TLE2: variants seen among roughly 807,000 people sequenced by gnomAD.
The protein encoded by TLE2 is transducin-like enhancer protein 2.
A neutral mutation model predicts 97.2 loss-of-function variants in TLE2; 74 were observed. The ratio of observed to expected loss-of-function variants is 0.76; its 90% CI spans 0.63 to 0.92. The LOEUF is 0.92. Ranked by LOEUF, TLE2 falls within the 40% of genes least tolerant of loss-of-function variation. The pLI is 0.00. For synonymous variants in TLE2, 499 were observed against 432.1 expected, an observed-to-expected ratio of 1.15 and a Z score of -1.92; for missense variants, 1,038 against 1,008.7, an observed-to-expected ratio of 1.03 and a Z score of -0.39.
intron 1 of TLE2, among the ~76,000 whole-genome samples, chr19:3,039,762 G>C (rs2090086905): frequency 6.6e-6 from 1 of 152,184 alleles, no homozygotes. Flanking sequence ...GCGATGCCAG[G>C]TCCCCTGCTA....
chr19:3,034,162 A>C (rs186086289), upstream of TLE2, among the ~76,000 whole-genome samples: 1 of 151,776 alleles, frequency 6.6e-6, no homozygotes, highest in East Asian at 1.9e-4. Context: ...CCAGAGCATC[A>C]CCCTAGCCCT....
intron 5 of TLE2, among the ~76,000 whole-genome samples, chr19:3,021,242 TA>T (rs1317985923): frequency 6.7e-6 from 1 of 150,200 alleles, no homozygotes; most frequent in East Asian, 2.0e-4. Context: ...CCATCTCTAC[TA>T]AAAATACAAA....
chr19:2,999,551 C>A (rs375675176), intron 19 of TLE2, among the ~76,000 whole-genome samples: 1 of 151,190 alleles, frequency 6.6e-6, no homozygotes, highest in East Asian at 2.0e-4. Context: ...CACGGTGAAA[C>A]CCCGTCTCTA....
Position 3,014,598 on chromosome 19 carries a change from T to A in TLE2, c.695A>T (p.Lys232Met). Residue 232 changes from lysine to methionine, a missense_variant, in exon 10 of 20, where the codon AAG becomes ATG. Physicochemically the swap from Lys to Met is moderately conservative, Grantham distance 95. Transcript: ENST00000262953. ...PSGPYESDED[K>M]SDYNLVVDED... ...GTCCACCACCAGATTGTAATCACTC[T>A]TGTCTTCGTCGCTTTCCTGGGGGAA... 1 of 1,590,460 alleles carries A rather than the reference T, an allele frequency of 6.3e-7. No homozygotes were observed. Among genetic ancestry groups the A allele is most frequent in the Non-Finnish European group, 8.6e-7 (1 of 1,168,112 alleles).
At chr19:3,025,629 G>A in intron 4 of TLE2, 1 of 985,792 alleles carries the variant, frequency 1.0e-6, no homozygotes, top group Non-Finnish European at 1.2e-6. Flanking sequence ...AGAGGGTCTG[G>A]GCCCAGGTGC....
intron 5 of TLE2, among the ~76,000 whole-genome samples, chr19:3,021,114 A>AGGGG (rs148602558): frequency 1.5e-4 from 7 of 45,458 alleles, no homozygotes; most frequent in South Asian, 1.1e-3. Context: ...AAAAAAAAAA[A>AGGGG]GGGGGGGGGG....
At position 3,041,013 on chromosome 19, in the gene TLE2, A is replaced by AT. The variant is rs1168699418; in HGVS notation, c.63+4712dup. On this transcript the variant is annotated intron_variant, in intron 1 of 18. Coordinates refer to the TLE2 transcript ENST00000426948. ...CATTTATATATATATATATATATAT[A>AT]TTTTTTTTTTTTTTTTTTTTTTTTT... Among the ~76,000 whole-genome samples, 164 of 28,992 alleles carry AT rather than the reference A, an allele frequency of 5.7e-3. 34 individuals are homozygous for AT. Among genetic ancestry groups the AT allele is most frequent in the Middle Eastern group, 0.033 (1 of 30 alleles). 19.0% of individuals were successfully genotyped at this position (28,992 alleles called of 152,430 possible).
chr19:3,018,094 G>T (rs530690912), intron 7 of TLE2, among the ~76,000 whole-genome samples: 36 of 152,022 alleles, frequency 2.4e-4, no homozygotes, highest in Non-Finnish European at 4.4e-4. Flanking sequence ...CCCATTGGGG[G>T]TGATGTTGAA....
chr19:3,029,799 G>A (rs145182487), upstream of TLE2, among the ~76,000 whole-genome samples: 2 of 152,004 alleles, frequency 1.3e-5, no homozygotes, highest in African/African-American at 4.8e-5. Context: ...CTATCTTTAG[G>A]GTTTAATTTT....
intron 1 of TLE2, among the ~76,000 whole-genome samples, chr19:3,039,803 G>C (rs1245279666): frequency 6.6e-6 from 1 of 152,196 alleles, no homozygotes; most frequent in Non-Finnish European, 1.5e-5. Context: ...ACCTGTAGGG[G>C]TCAGCTGAGA....
rs571933715 is a variant in TLE2, at chr19:3,012,668, C to A, written c.873+1001G>T. On this transcript the variant is annotated intron_variant, in intron 11 of 19. Coordinates refer to ENST00000262953, the MANE Select transcript of TLE2 (RefSeq NM_003260.5). ...GCCCCCACAGAGAGGGAGGTGTCAC[C>A]CAGAGCTGTCCCTCCCCAAGGAGAG... is the stretch of plus-strand genomic sequence containing the variant. 1.0e-3 allele frequency among the ~76,000 whole-genome samples: 153 copies of A among 152,266 alleles called. 1 individual carries two copies. Among genetic ancestry groups the A allele is most frequent in the African/African-American group, 3.6e-3 (148 of 41,548 alleles).
Position 3,029,152 on chromosome 19 carries a change from G to A in TLE2, c.-248C>T. On this transcript the variant is annotated 5_prime_UTR_variant, in exon 1 of 20. Transcript: ENST00000262953. ...CGGGGCGGGCAGGGGCAGCGGCCGG[G>A]GCGGGAGCGCGGCGAGGGCGGCCGC... is the stretch of plus-strand genomic sequence containing the variant. 1 of 951,246 alleles carries A rather than the reference G, an allele frequency of 1.1e-6. No individual in the cohort carries two copies. 58.9% of individuals were successfully genotyped at this position (951,246 alleles called of 1,614,324 possible).
rs750686889 is a variant in TLE2, at chr19:3,005,835, G to A, written c.1634C>T (p.Ser545Phe). ...CAGGGCGTAGCAGGCTGGGGCTGAGGAAGTCAGCTCGGCCTTGATACGGGG... is the reference window on the plus strand; with the variant it reads ...CAGGGCGTAGCAGGCTGGGGCTGAGAAAGTCAGCTCGGCCTTGATACGGGG... ...PTPRIKAELT[S>F]SAPACYALAV... The change falls in exon 16 of 20, where the codon TCC (serine) becomes TTC (phenylalanine). Residue 545 changes from serine (S) to phenylalanine (F), a missense_variant. Ser to Phe is a radical substitution (Grantham distance 155, BLOSUM62 -2). Coordinates refer to ENST00000262953, the MANE Select transcript of TLE2 (RefSeq NM_003260.5). 2 of 1,613,996 alleles carry A rather than the reference G, an allele frequency of 1.2e-6. No homozygotes were observed. The highest frequency in any genetic ancestry group is 1.7e-5 in the Admixed American group (1 of 60,012).
At chr19:3,028,540 G>C (rs1291711938) in intron 2 of TLE2, among the ~76,000 whole-genome samples, 158 bp from the exon 3 acceptor site, 5 of 133,538 alleles carry the variant, frequency 3.7e-5, no homozygotes, top group African/African-American at 5.8e-5. Flanking sequence ...AAATGCCCCA[G>C]CTCTGACTGT....
At chr19:3,044,473 G>A (rs1179104633) in intron 1 of TLE2, among the ~76,000 whole-genome samples, 4 of 152,172 alleles carry the variant, frequency 2.6e-5, no homozygotes, top group Admixed American at 2.6e-4. Context: ...AGGCTGGAGT[G>A]CAGTGGCACG....
intron 19 of TLE2, among the ~76,000 whole-genome samples, chr19:2,999,060 T>G (rs2089291674): frequency 6.6e-6 from 1 of 152,136 alleles, no homozygotes; most frequent in African/African-American, 2.4e-5. Context: ...GGCAGGTGGA[T>G]CACCTGAGGT....
Position 3,038,445 on chromosome 19 carries a change from T to A in TLE2, c.63+7281A>T, listed in dbSNP as rs558557485. On this transcript the variant is annotated intron_variant, in intron 1 of 18. Transcript: ENST00000426948. ...CCAGACTGGTCTTCAACTCCTGGGC[T>A]CAAGCAGTCCTCTTCCCTCAGCTTC... Among the ~76,000 whole-genome samples the A allele has an allele frequency of 6.6e-5, 10 of 152,324 alleles. No homozygotes were observed. The South Asian group carries it at 8.3e-4, about 13-fold the overall frequency.
intron 12 of TLE2, 36 bp from the exon 13 acceptor site, chr19:3,009,738 C>CT (rs2089552683): frequency 6.4e-7 from 1 of 1,573,656 alleles, no homozygotes; most frequent in Admixed American, 2.0e-5. Flanking sequence ...TTTTGACGCC[C>CT]TGGACCCAGA....
At chr19:3,000,366 T>G (rs974815564) in intron 19 of TLE2, among the ~76,000 whole-genome samples, 28 of 152,134 alleles carry the variant, frequency 1.8e-4, no homozygotes, top group Admixed American at 7.9e-4. Flanking sequence ...TGAGCGACCG[T>G]GCCCGGCTGG....
Sources: allele counts gnomAD v4.1 joint callset (sites outside exome capture counted in the v4.1 genomes callset), GRCh38; gene constraint gnomAD v4.1.1; transcripts MANE v1.5; gene names NCBI Gene and HGNC (gene_info 2026-07-23, HGNC 2026-07-21).